The following TDRD12 variants were observed in gnomAD, a reference collection of about 807,000 sequenced individuals.
The protein encoded by TDRD12 is putative ATP-dependent RNA helicase TDRD12.
Under a neutral mutation model 133.5 loss-of-function variants are expected in TDRD12, and 158 were observed. That is an observed-to-expected ratio of 1.18 (90% confidence interval 1.04 to 1.35). TDRD12 has a LOEUF of 1.35. Ranked by LOEUF, TDRD12 falls within the 40% of genes most tolerant of loss-of-function variation. The probability of loss-of-function intolerance (pLI) is 0.00; values close to 1 mark genes in which losing one functional copy is unlikely to be tolerated. For missense variants in TDRD12, 1,443 were observed against 1,321.3 expected (o/e 1.09, Z -1.43); for synonymous variants, 460 against 477.9 (o/e 0.96, Z 0.49).
intron 1 of TDRD12, among the ~76,000 whole-genome samples, chr19:32,729,978 G>A (rs1968995828): frequency 6.6e-6 from 1 of 151,368 alleles, no homozygotes; most frequent in African/African-American, 2.4e-5. Context: ...TTTTAGTAGA[G>A]ACGGAGTTTC....
chr19:32,810,137 T>C, exon 23 of TDRD12: 1 of 1,532,968 alleles, frequency 6.5e-7, no homozygotes, highest in Non-Finnish European at 8.7e-7. Context: ...ACTTTGGCCG[T>C]ATAGTTGATA....
At chr19:32,753,670 A>ATTTTTTTTT (rs61178379) in intron 6 of TDRD12, among the ~76,000 whole-genome samples, 7 of 130,482 alleles carry the variant, frequency 5.4e-5, no homozygotes, top group Non-Finnish European at 6.4e-5. Context: ...CACCTGGCTA[A>ATTTTTTTTT]TTTTTTTTTT....
rs1568487634 is a variant in TDRD12, at chr19:32,802,903, A to G, written c.2332-19A>G. 6.5e-6 allele frequency: 10 copies of G among 1,530,624 alleles called. No individual in the cohort carries two copies. Among genetic ancestry groups the G allele is most frequent in the Middle Eastern group, 3.4e-4 (2 of 5,968 alleles). 94.8% of individuals were successfully genotyped at this position (1,530,624 alleles called of 1,614,324 possible). A position where few individuals can be genotyped will look rare whatever the true frequency, so the allele number is the denominator to read the frequency against. On this transcript the variant is annotated intron_variant, in intron 20 of 27. Transcript: ENST00000444215. The stretch of plus-strand genomic sequence containing the variant: ...CTGGGATAGATGATCCACTTCCTTT[A>G]TTCACCCCCAATTTTCAGGGTTCTC...
At position 32,800,635 on chromosome 19, in the gene TDRD12, C is replaced by A; in HGVS notation, c.1951-9C>A. 1 of 1,530,668 alleles carries A rather than the reference C, an allele frequency of 6.5e-7. No homozygotes were observed. The highest frequency in any genetic ancestry group is 8.7e-7 in the Non-Finnish European group (1 of 1,145,122). 94.8% of individuals were successfully genotyped at this position (1,530,668 alleles called of 1,614,324 possible). On this transcript the variant is annotated splice_polypyrimidine_tract_variant and intron_variant, in intron 17 of 27. Transcript: ENST00000444215. ...AAAAAGTCACATTGTTTCTGTGCTTCATTACCAGGTAGTACATCTTTGCCT... is the reference window on the plus strand; with the variant it reads ...AAAAAGTCACATTGTTTCTGTGCTTAATTACCAGGTAGTACATCTTTGCCT...
chr19:32,781,149 T>C (rs1052895011), intron 11 of TDRD12, among the ~76,000 whole-genome samples: 1 of 152,120 alleles, frequency 6.6e-6, no homozygotes, highest in Non-Finnish European at 1.5e-5. Flanking sequence ...TTCACCGTGT[T>C]AGCCAGGATG....
intron 4 of TDRD12, among the ~76,000 whole-genome samples, chr19:32,745,975 G>A (rs1285577913): frequency 6.7e-5 from 9 of 135,024 alleles, no homozygotes; most frequent in Non-Finnish European, 1.4e-4. Context: ...TGGCTGATGT[G>A]GTCATTCTGT....
chr19:32,800,197 A>T (rs1262755647), exon 17 of TDRD12: 3 of 1,516,256 alleles, frequency 2.0e-6, no homozygotes, highest in South Asian at 1.3e-5. Context: ...CTTTAAAAAA[A>T]ATATTGAAGT....
At chr19:32,793,019 C>A (rs1023812285) in intron 13 of TDRD12, among the ~76,000 whole-genome samples, 3 of 152,098 alleles carry the variant, frequency 2.0e-5, no homozygotes, top group Non-Finnish European at 4.4e-5. Flanking sequence ...AATCCTGTCT[C>A]TACTAAAATA....
chr19:32,806,337 GTT>G (rs58555952), intron 21 of TDRD12, among the ~76,000 whole-genome samples: 5 of 135,268 alleles, frequency 3.7e-5, no homozygotes, highest in South Asian at 2.4e-4. Flanking sequence ...AGAAGACCGA[GTT>G]TTTTTTTTTT....
rs1397399267 is a variant in TDRD12, at chr19:32,800,211, AG to A, written c.1804del (p.Glu602LysfsTer20). On this transcript the variant is annotated frameshift_variant, in exon 17 of 28. Coordinates refer to ENST00000444215, the Ensembl canonical transcript of TDRD12. LOFTEE classifies it high-confidence loss of function. Reference sequence around the variant, plus strand: ...ACTTTAAAAAAAATATTGAAGTTGAAGAAAGGGAATCTGCACCACATCAGAT... The same window carrying A: ...ACTTTAAAAAAAATATTGAAGTTGAAAAAGGGAATCTGCACCACATCAGAT... 6 of 1,524,740 alleles carry A rather than the reference AG, an allele frequency of 3.9e-6. No homozygotes were observed. Among genetic ancestry groups the A allele is most frequent in the Non-Finnish European group, 5.2e-6 (6 of 1,143,630 alleles). 94.5% of individuals were successfully genotyped at this position (1,524,740 alleles called of 1,614,324 possible). A position where few individuals can be genotyped will look rare whatever the true frequency, so the allele number is the denominator to read the frequency against.
chr19:32,821,369 A>AAT (rs1967381278), downstream of TDRD12: 6 of 351,484 alleles, frequency 1.7e-5, no homozygotes, highest in Admixed American at 1.4e-4. Flanking sequence ...AGCTCAGCAG[A>AAT]GTGTGTGTGT....
chr19:32,744,499 CAAAAAA>C (rs10644749), intron 4 of TDRD12, among the ~76,000 whole-genome samples: 8 of 38,100 alleles, frequency 2.1e-4, no homozygotes, highest in South Asian at 9.9e-4. Flanking sequence ...GACTCCGTCT[CAAAAAA>C]AAAAAAAAAA....
rs1235886413 is a variant in TDRD12, at chr19:32,807,293, A to AG, written c.2553-256_2553-255insG. ...AAAAAAAAAAAAAAAAAAAAAAAAA[A>AG]AAAGAAAGTTTGCTAGAGAAATAAT... On this transcript the variant is annotated intron_variant, in intron 21 of 27. Transcript: ENST00000444215. Among the ~76,000 whole-genome samples the AG allele has an allele frequency of 1.8e-3, 259 of 144,736 alleles. 4 individuals carry two copies. The highest frequency in any genetic ancestry group is 6.0e-3 in the African/African-American group (237 of 39,762). The allele number at this position is 144,736 out of a possible 152,430, so 95.0% of individuals were successfully genotyped here. A position where few individuals can be genotyped will look rare whatever the true frequency, so the allele number is the denominator to read the frequency against.
At position 32,748,457 on chromosome 19, in the gene TDRD12, C is replaced by G. The variant is rs1480868121; in HGVS notation, c.441-19C>G. 6.5e-7 allele frequency: 1 copy of G among 1,549,414 alleles called. No individual in the cohort carries two copies. The highest frequency in any genetic ancestry group is 1.4e-5 in the African/African-American group (1 of 73,058). ...CTCAGATTTTTATGTAATGGAGTTG[C>G]ATCTGTTCACTGTTCCAGACCTGCC... is the stretch of plus-strand genomic sequence containing the variant. On this transcript the variant is annotated intron_variant, in intron 4 of 27. Transcript: ENST00000444215.
chr19:32,797,728 TTCGCAGCCTC>T lies in TDRD12; in HGVS notation c.1474_1483del (p.Pro492SerfsTer32). 1.5e-6 allele frequency: 1 copy of T among 666,004 alleles called. No individual in the cohort carries two copies. Among genetic ancestry groups the T allele is most frequent in the Non-Finnish European group, 2.7e-6 (1 of 371,072 alleles). 41.3% of individuals were successfully genotyped at this position (666,004 alleles called of 1,614,324 possible). A position where few individuals can be genotyped will look rare whatever the true frequency, so the allele number is the denominator to read the frequency against. ...CTGGAGTCATTTGAATTTGTCTGTCTTCGCAGCCTCTCGCAGTCATCGTGTGCCCTGGGTG... is the reference window on the plus strand; with the variant it reads ...CTGGAGTCATTTGAATTTGTCTGTCTTCGCAGTCATCGTGTGCCCTGGGTG... On this transcript the variant is annotated splice_acceptor_variant and splice_polypyrimidine_tract_variant and coding_sequence_variant and intron_variant, in exon 15 of 28. Transcript: ENST00000444215. LOFTEE classifies it high-confidence loss of function.
At chr19:32,806,342 T>G (rs1971548470) in intron 21 of TDRD12, among the ~76,000 whole-genome samples, 1 of 151,062 alleles carries the variant, frequency 6.6e-6, no homozygotes, top group Admixed American at 6.6e-5. Flanking sequence ...ACCGAGTTTT[T>G]TTTTTTTTTT....
chr19:32,722,323 C>A (rs368506342), intron 1 of TDRD12, among the ~76,000 whole-genome samples: 2 of 152,020 alleles, frequency 1.3e-5, no homozygotes, highest in African/African-American at 4.8e-5. Context: ...GCCTCCTGTT[C>A]GCGAACCCCT....
intron 8 of TDRD12, among the ~76,000 whole-genome samples, chr19:32,771,090 A>C (rs1418433322): frequency 6.6e-6 from 1 of 152,230 alleles, no homozygotes. Context: ...GGAAGCTTCC[A>C]ATCATGGCAG....
Position 32,744,941 on chromosome 19 carries a change from C to T in TDRD12, c.440+2041C>T, listed in dbSNP as rs533233097. 4.6e-5 allele frequency among the ~76,000 whole-genome samples: 7 copies of T among 152,360 alleles called. No homozygotes were observed. The South Asian group carries it at 1.0e-3, about 23-fold the overall frequency. On this transcript the variant is annotated intron_variant, in intron 4 of 27. Coordinates refer to ENST00000444215, the Ensembl canonical transcript of TDRD12. Reference sequence around the variant, plus strand: ...TGTTTGGTGACCTTCCCATTCTCCACTCACCCCAGCCCCCACAGTTTCCTT... The same window carrying T: ...TGTTTGGTGACCTTCCCATTCTCCATTCACCCCAGCCCCCACAGTTTCCTT...
Sources: gnomAD v4.1 joint callset for allele counts (sites outside exome capture counted in the v4.1 genomes callset) on GRCh38, gnomAD v4.1.1 for gene constraint, MANE v1.5 for transcripts, NCBI Gene and HGNC (gene_info 2026-07-23, HGNC 2026-07-21) for gene names.